The following FAM50A variants were observed in gnomAD, a reference collection of about 807,000 sequenced individuals.
FAM50A encodes protein FAM50A.
FAM50A carries 6 observed loss-of-function variants against 35.5 expected under a neutral mutation model. The ratio of observed to expected loss-of-function variants is 0.17; its 90% CI spans 0.09 to 0.33. The LOEUF (loss-of-function observed/expected upper bound fraction) is 0.33. Ranked by LOEUF, FAM50A falls within the 10% of genes least tolerant of loss-of-function variation. FAM50A has a pLI of 1.00. For synonymous variants in FAM50A, 120 were observed against 110.9 expected (o/e 1.08, Z -0.52); for missense variants, 145 against 295.5 (o/e 0.49, Z 3.73).
chrX:154,446,444 G>A lies in FAM50A; in HGVS notation c.326G>A (p.Arg109His). 8.3e-7 allele frequency: 1 copy of A among 1,211,305 alleles called. No homozygotes were observed. Among genetic ancestry groups the A allele is most frequent in the Non-Finnish European group, 1.1e-6 (1 of 895,050 alleles). Residue 109 changes from arginine to histidine, a missense_variant, in exon 4 of 13, where the codon CGT becomes CAT. Transcript: ENST00000393600. ...CTGGAGAAGCTTCGAGAGAAGGAGC[G>A]TAAGAAGGAAGCCAAGCGGAAGATC... ...MKLEKLREKE[R>H]KKEAKRKISS...
intron 5 of FAM50A, 52 bp from the exon 6 acceptor site, chrX:154,448,638 G>A (rs782514667): frequency 2.3e-5 from 27 of 1,187,987 alleles, no homozygotes; most frequent in Non-Finnish European, 3.0e-5. Context: ...CAGGCTCTGC[G>A]TGCACCCTGA....
At chrX:154,448,780 C>T (rs200675277) in intron 6 of FAM50A, 24 bp downstream of exon 6, 87 of 1,201,821 alleles carry the variant, frequency 7.2e-5, no homozygotes, top group African/African-American at 5.1e-4. Flanking sequence ...GAGTCAGACG[C>T]GAGGGGCCTG....
rs2068798160 is a variant in FAM50A at position 154,449,888 on chromosome X, C to T, written c.786C>T (p.His262=). The part of the protein sequence containing the change: ...IKEDLIIPHH[H]SFYDFIVTKA... ...TTCCTGCCCTTGGCTCCCAGCATCACAGCTTCTACGACTTCATCGTCACCA... is the reference window on the plus strand; with the variant it reads ...TTCCTGCCCTTGGCTCCCAGCATCATAGCTTCTACGACTTCATCGTCACCA... The change falls in exon 10 of 13, where the codon CAC becomes CAT. Residue 262 remains histidine (H), a synonymous_variant. Coordinates refer to ENST00000393600, the MANE Select transcript of FAM50A (RefSeq NM_004699.4). The T allele has an allele frequency of 1.7e-6, 2 of 1,211,528 alleles. No homozygotes were observed. Among genetic ancestry groups the T allele is most frequent in the Middle Eastern group, 2.3e-4 (1 of 4,353 alleles).
At position 154,445,706 on chromosome X, in the gene FAM50A, C is replaced by G; in HGVS notation, c.185C>G (p.Ser62Cys). ...GACGCGGTGGAGGCAGAGCTCAAGT[C>G]CAGCACCGTGGGTGAGCAGGGTGCG... is the stretch of plus-strand genomic sequence containing the variant. The part of the protein sequence containing the change: ...HYDAVEAELK[S>C]STVGLVTLND... The change falls in exon 2 of 13, where the codon TCC (serine) becomes TGC (cysteine). Residue 62 changes from serine to cysteine, a missense_variant. Physicochemically the swap from Ser to Cys is moderately radical, Grantham distance 112. This residue lies in a region of FAM50A where 31 missense variants were observed against 75.2 expected (regional missense o/e 0.41). Transcript: ENST00000393600. 8.3e-7 allele frequency: 1 copy of G among 1,208,194 alleles called. No individual in the cohort carries two copies. Among genetic ancestry groups the G allele is most frequent in the Non-Finnish European group, 1.1e-6 (1 of 892,646 alleles).
Position 154,444,335 on chromosome X carries a change from C to T in FAM50A, c.100C>T (p.Arg34Cys). The change falls in exon 1 of 13, where the codon CGC becomes TGC. Residue 34 changes from arginine to cysteine, a missense_variant. Physicochemically the swap from Arg to Cys is radical, Grantham distance 180. This residue lies in a region of FAM50A where 19 missense variants were observed against 16.3 expected (regional missense o/e 1.17). Coordinates refer to ENST00000393600, the MANE Select transcript of FAM50A (RefSeq NM_004699.4). ...CGAGCAGATGGAGCAGATGAAGCAG[C>T]GCATCGCGGAGGTGCGAGCCGGGGA... Reference protein sequence around the residue: ...QREQMEQMKQRIAEENIMKSN... With the variant: ...QREQMEQMKQCIAEENIMKSN... The T allele has an allele frequency of 9.1e-7, 1 of 1,103,604 alleles. No individual in the cohort carries two copies. Among genetic ancestry groups the T allele is most frequent in the Middle Eastern group, 2.9e-4 (1 of 3,507 alleles). 90.9% of individuals were successfully genotyped at this position (1,103,604 alleles called of 1,213,427 possible).
Position 154,448,884 on chromosome X carries a change from G to A in FAM50A, c.587-9G>A. ...GGGCTGGAGACCAAGAGGCAGCTCT[G>A]CCTTGTAGGTGAGGAGATCGAGATC... On this transcript the variant is annotated splice_polypyrimidine_tract_variant and intron_variant, in intron 6 of 12. Coordinates refer to ENST00000393600, the MANE Select transcript of FAM50A (RefSeq NM_004699.4). 1 of 1,210,428 alleles carries A rather than the reference G, an allele frequency of 8.3e-7. No individual in the cohort carries two copies. The highest frequency in any genetic ancestry group is 1.1e-6 in the Non-Finnish European group (1 of 894,066).
In FAM50A at chrX:154,450,301, G is replaced by A. The variant is rs1469516762; in HGVS notation, c.993G>A (p.Lys331=). 1 of 1,211,174 alleles carries A rather than the reference G, an allele frequency of 8.3e-7. No individual in the cohort carries two copies. The highest frequency in any genetic ancestry group is 3.0e-5 in the East Asian group (1 of 33,833). ...GCTGGGAACCCTACGACCCTGAAAA[G>A]AAGTGGGACAAGTACACGGTGAGGA... is the stretch of plus-strand genomic sequence containing the variant. The part of the protein sequence containing the change: ...ASRWEPYDPE[K]KWDKYTIR Residue 331 remains lysine, a synonymous_variant, in exon 12 of 13, where the codon AAG becomes AAA. Transcript: ENST00000393600.
chrX:154,444,154 GCCGCCA>G lies in FAM50A; in HGVS notation c.-76_-71del, dbSNP rs1239786390. On this transcript the variant is annotated 5_prime_UTR_variant, in exon 1 of 13. Transcript: ENST00000393600. ...GGCGCGGGCGTCAGCTGACTGTTCG[GCCGCCA>G]CCGCCGCTGCCGCTGCCGCTGTCGC... 7.4e-5 allele frequency: 19 copies of G among 257,705 alleles called. No homozygotes were observed. The highest frequency in any genetic ancestry group is 2.2e-4 in the East Asian group (1 of 4,462). 21.2% of individuals were successfully genotyped at this position (257,705 alleles called of 1,213,427 possible). A position where few individuals can be genotyped will look rare whatever the true frequency, so the allele number is the denominator to read the frequency against.
intron 3 of FAM50A, 172 bp from the exon 4 acceptor site, chrX:154,446,243 G>A (rs1557199807): frequency 8.3e-6 from 4 of 483,251 alleles, no homozygotes; most frequent in South Asian, 3.1e-5. Context: ...CAGAGCCCTC[G>A]CCCATGAGCT....
rs1212127563 is a variant in FAM50A, at chrX:154,448,918, C to T, written c.612C>T (p.Ser204=). 17 of 1,209,965 alleles carry T rather than the reference C, an allele frequency of 1.4e-5. No individual in the cohort carries two copies. Among genetic ancestry groups the T allele is most frequent in the Non-Finnish European group, 1.9e-5 (17 of 894,733 alleles). ...IKSEEIEITF[S]YWDGSGHRRT... is the part of the protein sequence containing the mutation. ...GTGAGGAGATCGAGATCACCTTCAG[C>T]TACTGGGATGGCTCTGGGCACCGGC... Residue 204 remains serine (S), a synonymous_variant, in exon 7 of 13, where the codon AGC becomes AGT. Coordinates refer to ENST00000393600, the MANE Select transcript of FAM50A (RefSeq NM_004699.4).
At position 154,449,314 on chromosome X, in the gene FAM50A, T is replaced by G. The variant is rs1235493241; in HGVS notation, c.725+17T>G. The stretch of plus-strand genomic sequence containing the variant: ...TGAGCTGAGGTGTGAGGTGTGCGTG[T>G]GTGCACGGTGGTGTGTGTGGCACCT... On this transcript the variant is annotated intron_variant, in intron 8 of 12. Coordinates refer to ENST00000393600, the MANE Select transcript of FAM50A (RefSeq NM_004699.4). 8.6e-7 allele frequency: 1 copy of G among 1,166,891 alleles called. No homozygotes were observed. The highest frequency in any genetic ancestry group is 3.0e-5 in the East Asian group (1 of 33,646).
In FAM50A at chrX:154,446,210, C is replaced by T. The variant is rs1279471449; in HGVS notation, c.297-205C>T. 6.6e-6 allele frequency: 3 copies of T among 455,276 alleles called. No individual in the cohort carries two copies. The African/African-American group carries it at 7.4e-5, about 11-fold the overall frequency. 37.5% of individuals were successfully genotyped at this position (455,276 alleles called of 1,213,427 possible). The stretch of plus-strand genomic sequence containing the variant: ...GCCTGTGCTTGGCTCTCCCCTGTGG[C>T]CCTCTGTGCTTGCTGTTTGTAACAG... On this transcript the variant is annotated intron_variant, in intron 3 of 12. Coordinates refer to ENST00000393600, the MANE Select transcript of FAM50A (RefSeq NM_004699.4).
Position 154,444,188 on chromosome X carries a change from TCGCCGCCGCCGCCGCCCGCCGC to T in FAM50A, c.-31_-10del, listed in dbSNP as rs782127442. ...GCCGCTGCCGCTGCCGCTGTCGCTG[TCGCCGCCGCCGCCGCCCGCCGC>T]CGCCGCCGCCGCCGCCGCCGCTGCC... is the stretch of plus-strand genomic sequence containing the variant. On this transcript the variant is annotated 5_prime_UTR_variant, in exon 1 of 13. Coordinates refer to ENST00000393600, the MANE Select transcript of FAM50A (RefSeq NM_004699.4). 9.3e-3 allele frequency: 4,697 copies of T among 507,679 alleles called. 101 individuals carry two copies. The highest frequency in any genetic ancestry group is 0.022 in the Middle Eastern group (23 of 1,057). The allele number at this position is 507,679 out of a possible 1,213,427, so 41.8% of individuals were successfully genotyped here. A position where few individuals can be genotyped will look rare whatever the true frequency, so the allele number is the denominator to read the frequency against.
At chrX:154,449,162 TGA>T in intron 7 of FAM50A, 57 bp from the exon 8 acceptor site, 1 of 1,064,384 alleles carries the variant, frequency 9.4e-7, no homozygotes, top group Non-Finnish European at 1.3e-6. Context: ...TCTGCCTTGT[TGA>T]GAGCCCTTCT....
intron 1 of FAM50A, 90 bp from the exon 2 acceptor site, chrX:154,445,543 C>A: frequency 1.4e-6 from 1 of 696,001 alleles, no homozygotes; most frequent in South Asian, 2.2e-5. Flanking sequence ...GGCACAGGGG[C>A]AGATTTGGAC....
rs781904364 is a variant in FAM50A, at chrX:154,450,010, T to TGTC, written c.830-18_830-16dup. 2 of 1,210,605 alleles carry TGTC rather than the reference T, an allele frequency of 1.7e-6. 1 individual carries two copies. Among genetic ancestry groups the TGTC allele is most frequent in the South Asian group, 3.5e-5 (2 of 56,995 alleles). ...CTGGGGCAGCAGCGGGACATTGGGCTGTCACTTCTCCCCTGCAGGACCACT... is the reference window on the plus strand; with the variant it reads ...CTGGGGCAGCAGCGGGACATTGGGCTGTCGTCACTTCTCCCCTGCAGGACCACT... On this transcript the variant is annotated intron_variant, in intron 10 of 12. Transcript: ENST00000393600.
Position 154,450,612 on chromosome X carries a change from A to T in FAM50A, c.*180A>T. 2.2e-6 allele frequency: 1 copy of T among 464,010 alleles called. No homozygotes were observed. The allele number at this position is 464,010 out of a possible 1,213,427, so 38.2% of individuals were successfully genotyped here. A position where few individuals can be genotyped will look rare whatever the true frequency, so the allele number is the denominator to read the frequency against. Reference sequence around the variant, plus strand: ...CTGCTTTATTCTTTTCCAATAAAGAAGTGCACGTGTCAGAGCTGGAGCGCC... The same window carrying T: ...CTGCTTTATTCTTTTCCAATAAAGATGTGCACGTGTCAGAGCTGGAGCGCC... On this transcript the variant is annotated 3_prime_UTR_variant, in exon 13 of 13. Transcript: ENST00000393600.
At chrX:154,450,123 G>A in intron 11 of FAM50A, 24 bp downstream of exon 11, 4 of 1,204,989 alleles carry the variant, frequency 3.3e-6, no homozygotes, top group Non-Finnish European at 4.5e-6. Flanking sequence ...GGCCGTGTGA[G>A]GGGGAACGGG....
At chrX:154,445,526 C>T (rs1019703824) in intron 1 of FAM50A, 107 bp from the exon 2 acceptor site, 14 of 610,124 alleles carry the variant, frequency 2.3e-5, no homozygotes, top group East Asian at 6.6e-5. Flanking sequence ...AACCTTCCAT[C>T]GACAAGGGCA....
Sources: allele counts gnomAD v4.1 joint callset, GRCh38; gene constraint gnomAD v4.1.1; regional missense constraint gnomAD v4.1.1; transcripts MANE v1.5; gene names NCBI Gene and HGNC (gene_info 2026-07-23, HGNC 2026-07-21).